The following IL1RAP variants were observed in gnomAD, a reference collection of about 807,000 sequenced individuals.
The protein encoded by IL1RAP is interleukin-1 receptor accessory protein.
IL1RAP carries 35 observed loss-of-function variants against 60.7 expected under a neutral mutation model. The observed-to-expected ratio is 0.58, with a 90% CI of 0.44 to 0.76. The LOEUF (loss-of-function observed/expected upper bound fraction) is 0.76. Ranked by LOEUF, IL1RAP falls within the 30% of genes least tolerant of loss-of-function variation. The pLI is 0.00. For synonymous variants in IL1RAP, 268 were observed against 250.9 expected (o/e 1.07, Z -0.64); for missense variants, 572 against 693.9 (o/e 0.82, Z 1.97).
rs187960329 is a variant in IL1RAP, at chr3:190,618,542, G to A, written c.538-1733G>A. ...CGTCTATAAAATTACAGCGTATTTA[G>A]TCTGATCTGTCTACTTCACAGGAGT... On this transcript the variant is annotated intron_variant, in intron 5 of 11. Coordinates refer to ENST00000447382, the MANE Select transcript of IL1RAP (RefSeq NM_002182.4). Among the ~76,000 whole-genome samples the A allele has an allele frequency of 5.7e-4, 87 of 152,242 alleles. 1 individual carries two copies. In the East Asian group the frequency reaches 0.015, roughly 26 times the overall value.
chr3:190,618,651 A>G (rs775538072), intron 5 of IL1RAP, among the ~76,000 whole-genome samples: 7 of 152,366 alleles, frequency 4.6e-5, no homozygotes, highest in Non-Finnish European at 7.3e-5. Context: ...AAATAGTTCT[A>G]TTGATACTGT....
At chr3:190,616,914 A>C (rs1310958009) in intron 5 of IL1RAP, among the ~76,000 whole-genome samples, 10 of 152,204 alleles carry the variant, frequency 6.6e-5, no homozygotes, top group Admixed American at 6.5e-4. Context: ...CCCTCATACA[A>C]GTTAATTTTC....
intron 5 of IL1RAP, among the ~76,000 whole-genome samples, chr3:190,616,831 C>T (rs539663009): frequency 1.3e-5 from 2 of 152,130 alleles, no homozygotes; most frequent in Non-Finnish European, 2.9e-5. Context: ...ACTAACGTGT[C>T]GAGCATTTAC....
chr3:190,658,836 C>T (rs1179525607), exon 12 of IL1RAP: 1 of 152,142 alleles, frequency 6.6e-6, no homozygotes, highest in East Asian at 1.9e-4. Context: ...GGAACAAGGG[C>T]CCCCTAGAGT....
rs1341584022 is a variant in IL1RAP, at chr3:190,650,426, GCT to G, written c.*1722_*1723del. On this transcript the variant is annotated 3_prime_UTR_variant, in exon 12 of 12. Coordinates refer to ENST00000447382, the MANE Select transcript of IL1RAP (RefSeq NM_002182.4). ...CCCAGCAGACACATTTAGAAACTAA[GCT>G]ATGTTAACCTCAGTGCTCAACTATT... 6 of 985,018 alleles carry G rather than the reference GCT, an allele frequency of 6.1e-6. No homozygotes were observed. Among genetic ancestry groups the G allele is most frequent in the Non-Finnish European group, 7.2e-6 (6 of 829,704 alleles). 61.0% of individuals were successfully genotyped at this position (985,018 alleles called of 1,614,324 possible). A position where few individuals can be genotyped will look rare whatever the true frequency, so the allele number is the denominator to read the frequency against.
At chr3:190,559,213 T>G (rs1725680208) in intron 2 of IL1RAP, among the ~76,000 whole-genome samples, 1 of 152,222 alleles carries the variant, frequency 6.6e-6, no homozygotes, top group South Asian at 2.1e-4. Flanking sequence ...TTTGAATATC[T>G]CCGTGATCAC....
intron 1 of IL1RAP, chr3:190,554,597 T>C (rs560943703): frequency 6.6e-6 from 1 of 152,358 alleles, no homozygotes; most frequent in East Asian, 1.9e-4. Context: ...AGATACGTGA[T>C]ATGTTACTTT....
chr3:190,622,394 A>C (rs1731855228), intron 6 of IL1RAP, among the ~76,000 whole-genome samples: 1 of 152,174 alleles, frequency 6.6e-6, no homozygotes. Flanking sequence ...CCTAAAGTTT[A>C]ATTCAATTTG....
At chr3:190,575,181 CAT>C (rs758035038) in intron 3 of IL1RAP, among the ~76,000 whole-genome samples, 11 of 152,130 alleles carry the variant, frequency 7.2e-5, no homozygotes, top group Non-Finnish European at 1.5e-4. Context: ...CCCAGTTCAG[CAT>C]ATGTCTCCTG....
chr3:190,527,863 A>T (rs981362857), intron 1 of IL1RAP, among the ~76,000 whole-genome samples: 1 of 150,168 alleles, frequency 6.7e-6, no homozygotes, highest in African/African-American at 2.5e-5. Flanking sequence ...ACACACACAC[A>T]CACACACGAG....
intron 3 of IL1RAP, among the ~76,000 whole-genome samples, chr3:190,565,340 C>T (rs1045132838): frequency 2.0e-5 from 3 of 152,114 alleles, no homozygotes; most frequent in African/African-American, 4.8e-5. Flanking sequence ...AATTCCTTTT[C>T]TTTGTGAGAG....
At chr3:190,657,891 T>C (rs1560253026) in exon 12 of IL1RAP, 1 of 152,024 alleles carries the variant, frequency 6.6e-6, no homozygotes, top group East Asian at 1.9e-4. Context: ...ACCCCATCTC[T>C]ACAAAAATAC....
At chr3:190,654,774 A>C (rs536764587), downstream of IL1RAP, among the ~76,000 whole-genome samples, 1 of 152,336 alleles carries the variant, frequency 6.6e-6, no homozygotes, top group Admixed American at 6.5e-5. Flanking sequence ...TGACTCTGGC[A>C]CATGTTTTCA....
intron 9 of IL1RAP, among the ~76,000 whole-genome samples, chr3:190,640,487 C>A (rs140152229): frequency 2.0e-5 from 3 of 152,264 alleles, no homozygotes; most frequent in African/African-American, 7.2e-5. Flanking sequence ...ATAAAGCATT[C>A]CCTTTGTTTA....
Position 190,605,348 on chromosome 3 carries a change from AC to A in IL1RAP, c.350+936del, listed in dbSNP as rs554360146. On this transcript the variant is annotated intron_variant, in intron 4 of 11. Coordinates refer to ENST00000447382, the MANE Select transcript of IL1RAP (RefSeq NM_002182.4). ...TGTTTTTGGGGAAAAAAACAAAAAAACAAAACAAAACAAAACAAACAACTTC... is the reference window on the plus strand; with the variant it reads ...TGTTTTTGGGGAAAAAAACAAAAAAAAAAACAAAACAAAACAAACAACTTC... Among the ~76,000 whole-genome samples, 247 of 152,192 alleles carry A rather than the reference AC, an allele frequency of 1.6e-3. 1 individual carries two copies. The highest frequency in any genetic ancestry group is 5.7e-3 in the African/African-American group (237 of 41,510).
At chr3:190,635,103 G>T (rs555458104) in intron 9 of IL1RAP, among the ~76,000 whole-genome samples, 27 of 151,986 alleles carry the variant, frequency 1.8e-4, no homozygotes, top group African/African-American at 6.5e-4. Context: ...TGGCAGTTTT[G>T]GCTTTCAAGG....
downstream of IL1RAP, among the ~76,000 whole-genome samples, chr3:190,654,190 T>TCTCACA (rs1553854858): frequency 1.4e-4 from 19 of 140,512 alleles, no homozygotes; most frequent in Middle Eastern, 0.011. Context: ...AAACATCATA[T>TCTCACA]CACACACACA....
chr3:190,572,859 GTTT>G (rs1200775636), intron 3 of IL1RAP, among the ~76,000 whole-genome samples: 998 of 39,022 alleles, frequency 0.026, 81 homozygotes, highest in African/African-American at 0.11. Flanking sequence ...TTAATGCTTT[GTTT>G]TTTTTTTTTT....
At chr3:190,655,001 C>A (rs1208646304), downstream of IL1RAP, among the ~76,000 whole-genome samples, 1 of 152,034 alleles carries the variant, frequency 6.6e-6, no homozygotes, top group Non-Finnish European at 1.5e-5. Flanking sequence ...ATTGTTTTTG[C>A]CCCTTTAATT....
Sources: gnomAD v4.1 joint callset for allele counts (sites outside exome capture counted in the v4.1 genomes callset) on GRCh38, gnomAD v4.1.1 for gene constraint, MANE v1.5 for transcripts, NCBI Gene and HGNC (gene_info 2026-07-23, HGNC 2026-07-21) for gene names.